The following ZNF385D variants were observed in gnomAD, a reference collection of about 807,000 sequenced individuals.
ZNF385D encodes the protein zinc finger protein 659.
In ZNF385D, 15 loss-of-function variants were observed where a neutral mutation model predicts 35.8. That is an observed-to-expected ratio of 0.42 (90% CI 0.28 to 0.64). The LOEUF (loss-of-function observed/expected upper bound fraction) is 0.64. Ranked by LOEUF, ZNF385D falls within the 30% of genes least tolerant of loss-of-function variation. The pLI, the probability that ZNF385D is intolerant of heterozygous loss-of-function variation, is 0.23. For missense variants in ZNF385D, 474 were observed against 494.6 expected (o/e 0.96, Z 0.39); for synonymous variants, 212 against 186.8 (o/e 1.13, Z -1.10).
chr3:21,788,300 G>C (rs1193621378), intron 3 of ZNF385D, among the ~76,000 whole-genome samples: 1 of 152,178 alleles, frequency 6.6e-6, no homozygotes, highest in Non-Finnish European at 1.5e-5. Context: ...CCAATGCGGG[G>C]AAACCCCGTT....
Position 21,574,075 on chromosome 3 carries a change from AGG to A in ZNF385D, c.166-9393_166-9392del, listed in dbSNP as rs1379600152. 2.2e-3 allele frequency among the ~76,000 whole-genome samples: 331 copies of A among 148,082 alleles called. 4 individuals are homozygous for A. Among genetic ancestry groups the A allele is most frequent in the African/African-American group, 7.9e-3 (315 of 40,078 alleles). ...AACTCCGTCTCAAAAAAAAAAAAAA[AGG>A]AAGGGAGGAAGTGAAAGAAAGAAAG... On this transcript the variant is annotated intron_variant, in intron 2 of 7. Transcript: ENST00000281523.
chr3:22,352,565 A>T (rs536650403), intron 2 of ZNF385D, among the ~76,000 whole-genome samples: 15 of 152,280 alleles, frequency 9.9e-5, no homozygotes, highest in African/African-American at 3.6e-4. Context: ...TCATACCCTA[A>T]CACATTTTTA....
chr3:21,763,134 C>G (rs112545438), intron 3 of ZNF385D, among the ~76,000 whole-genome samples: 2 of 152,190 alleles, frequency 1.3e-5, no homozygotes, highest in South Asian at 4.2e-4. Context: ...AATTGATGGA[C>G]AGTTTAGAGA....
At chr3:22,089,866 T>G (rs1701234535) in intron 3 of ZNF385D, among the ~76,000 whole-genome samples, 2 of 152,180 alleles carry the variant, frequency 1.3e-5, no homozygotes, top group Non-Finnish European at 2.9e-5. Context: ...AGATGGAGTC[T>G]TGCTCTGTGG....
intron 3 of ZNF385D, among the ~76,000 whole-genome samples, chr3:22,049,853 T>C (rs938488364): frequency 6.6e-6 from 1 of 152,204 alleles, no homozygotes; most frequent in African/African-American, 2.4e-5. Flanking sequence ...AAATCTCACT[T>C]GATCATGGTG....
chr3:21,918,383 G>A (rs965855252), intron 3 of ZNF385D, among the ~76,000 whole-genome samples: 3 of 152,162 alleles, frequency 2.0e-5, no homozygotes, highest in African/African-American at 7.2e-5. Flanking sequence ...TATCATTGTT[G>A]TTATTTGGAT....
chr3:22,188,949 G>C (rs999840912), intron 2 of ZNF385D, among the ~76,000 whole-genome samples: 5 of 152,094 alleles, frequency 3.3e-5, no homozygotes, highest in Non-Finnish European at 5.9e-5. Flanking sequence ...AATCCAGCTG[G>C]ATTGCTGCTG....
At chr3:22,267,659 G>T (rs1260257592) in intron 2 of ZNF385D, among the ~76,000 whole-genome samples, 1 of 151,662 alleles carries the variant, frequency 6.6e-6, no homozygotes, top group East Asian at 1.9e-4. Context: ...ACTTTTCTTT[G>T]TCATGTAAAA....
intron 3 of ZNF385D, among the ~76,000 whole-genome samples, chr3:22,042,587 G>A (rs1430310571): frequency 6.6e-6 from 1 of 152,044 alleles, no homozygotes; most frequent in African/African-American, 2.4e-5. Flanking sequence ...TCCAATTTTT[G>A]GCAAAGCTAT....
At chr3:21,889,417 A>G (rs1698724490) in intron 3 of ZNF385D, among the ~76,000 whole-genome samples, 1 of 152,152 alleles carries the variant, frequency 6.6e-6, no homozygotes, top group Non-Finnish European at 1.5e-5. Context: ...GCCTCTGTGG[A>G]AAGAAAAGTA....
At chr3:21,432,246 C>G (rs1701324396) in intron 5 of ZNF385D, among the ~76,000 whole-genome samples, 1 of 111,852 alleles carries the variant, frequency 8.9e-6, no homozygotes, top group African/African-American at 3.5e-5. Flanking sequence ...CTTTGATCTG[C>G]TCAACAAATT....
chr3:21,576,387 A>G (rs558010782), intron 2 of ZNF385D, among the ~76,000 whole-genome samples: 2 of 152,200 alleles, frequency 1.3e-5, no homozygotes, highest in African/African-American at 4.8e-5. Flanking sequence ...CTAATGTTCT[A>G]TGGTAGCTTA....
At chr3:22,030,083 G>C (rs1460786917) in intron 3 of ZNF385D, among the ~76,000 whole-genome samples, 1 of 150,242 alleles carries the variant, frequency 6.7e-6, no homozygotes, top group East Asian at 2.0e-4. Flanking sequence ...AGTGAGATGA[G>C]CCTAGCCTCC....
At chr3:21,547,189 G>A (rs1040272118) in intron 3 of ZNF385D, among the ~76,000 whole-genome samples, 4 of 152,060 alleles carry the variant, frequency 2.6e-5, no homozygotes, top group Non-Finnish European at 2.9e-5. Context: ...CCTCCAAACT[G>A]GAAAGAGTTA....
Position 21,640,880 on chromosome 3 carries a change from A to G in ZNF385D, c.165+24006T>C, listed in dbSNP as rs144049523. On this transcript the variant is annotated intron_variant, in intron 2 of 7. Transcript: ENST00000281523. ...AATTCACTAACTATAACAATGACCT[A>G]GAATGTTTTGTGAATGTATTCTTTC... Among the ~76,000 whole-genome samples, 712 of 152,254 alleles carry G rather than the reference A, an allele frequency of 4.7e-3. 5 individuals carry two copies. Among genetic ancestry groups the G allele is most frequent in the African/African-American group, 0.015 (614 of 41,564 alleles).
chr3:22,298,523 AATAT>A (rs897819987), intron 2 of ZNF385D, among the ~76,000 whole-genome samples: 1 of 145,094 alleles, frequency 6.9e-6, no homozygotes, highest in African/African-American at 2.5e-5. Flanking sequence ...ATTTATATAT[AATAT>A]ATATACATAA....
intron 1 of ZNF385D, among the ~76,000 whole-genome samples, chr3:21,749,368 C>A (rs775412626): frequency 2.0e-5 from 3 of 152,142 alleles, no homozygotes; most frequent in Admixed American, 6.5e-5. Flanking sequence ...TTCTAATTGG[C>A]CCTACTTCCT....
chr3:21,741,133 G>C (rs1414760439), intron 1 of ZNF385D, among the ~76,000 whole-genome samples: 1 of 152,096 alleles, frequency 6.6e-6, no homozygotes, highest in African/African-American at 2.4e-5. Context: ...ATCGGCATCA[G>C]GGCTGTTCAC....
chr3:22,321,940 G>A (rs1437400900), intron 2 of ZNF385D, among the ~76,000 whole-genome samples: 1 of 151,686 alleles, frequency 6.6e-6, no homozygotes, highest in African/African-American at 2.4e-5. Flanking sequence ...TATTTATACT[G>A]CTATTGTTAA....
Sources: gnomAD v4.1 joint callset for allele counts (sites outside exome capture counted in the v4.1 genomes callset) on GRCh38, gnomAD v4.1.1 for gene constraint, MANE v1.5 for transcripts, NCBI Gene and HGNC (gene_info 2026-07-23, HGNC 2026-07-21) for gene names.